CSTPP1: variants seen among roughly 807,000 people sequenced by gnomAD.
The protein encoded by CSTPP1 is UPF0705 protein C11orf49.
the CSTPP1 span, among the ~76,000 whole-genome samples, chr11:47,011,489 T>A: frequency 2.0e-5 from 3 of 152,220 alleles, no homozygotes; most frequent in African/African-American, 7.2e-5. Context: ...CATAGAAGGC[T>A]CCAAGTTTTG....
the CSTPP1 span, chr11:47,137,735 T>A: frequency 1.2e-6 from 2 of 1,613,640 alleles, no homozygotes; most frequent in East Asian, 4.5e-5. Context: ...GCCAGGTACG[T>A]CTCCTGGACT....
At chr11:47,141,805 C>T in the CSTPP1 span, among the ~76,000 whole-genome samples, 3 of 151,298 alleles carry the variant, frequency 2.0e-5, no homozygotes, top group African/African-American at 7.3e-5. Context: ...TGGTGGTGCA[C>T]ATCTATAATC....
At chr11:46,968,562 T>A in the CSTPP1 span, among the ~76,000 whole-genome samples, 3 of 151,254 alleles carry the variant, frequency 2.0e-5, no homozygotes, top group African/African-American at 7.3e-5. Context: ...AATTATCTAA[T>A]TTTTTTTAGT....
chr11:47,045,917 G>A, the CSTPP1 span, among the ~76,000 whole-genome samples: 21 of 152,034 alleles, frequency 1.4e-4, no homozygotes, highest in African/African-American at 4.6e-4. Context: ...CTCCCGAGTA[G>A]CTGGGATTAC....
At chr11:47,093,724 G>A in the CSTPP1 span, among the ~76,000 whole-genome samples, 2 of 152,134 alleles carry the variant, frequency 1.3e-5, no homozygotes, top group Non-Finnish European at 2.9e-5. Context: ...CCAGTAGTAA[G>A]GTCATGGCAA....
chr11:46,949,903 T>C, the CSTPP1 span, among the ~76,000 whole-genome samples: 1 of 151,938 alleles, frequency 6.6e-6, no homozygotes, highest in African/African-American at 2.4e-5. Context: ...AAACTCCTGA[T>C]CTCAAGTGAT....
chr11:47,121,925 G>A, the CSTPP1 span, among the ~76,000 whole-genome samples: 1 of 150,932 alleles, frequency 6.6e-6, no homozygotes, highest in Non-Finnish European at 1.5e-5. Flanking sequence ...AAAAAAAATT[G>A]CTGAGCATAG....
the CSTPP1 span, among the ~76,000 whole-genome samples, chr11:47,078,308 G>T: frequency 6.6e-6 from 1 of 152,190 alleles, no homozygotes; most frequent in Non-Finnish European, 1.5e-5. Flanking sequence ...GTTGAGTGAC[G>T]GAAGCAACGT....
At chr11:47,082,406 G>C in the CSTPP1 span, among the ~76,000 whole-genome samples, 3 of 152,008 alleles carry the variant, frequency 2.0e-5, no homozygotes, top group Non-Finnish European at 4.4e-5. Flanking sequence ...CAGATGAAGG[G>C]CTAATTTCCT....
chr11:46,944,012 C>A, the CSTPP1 span, among the ~76,000 whole-genome samples: 1 of 144,446 alleles, frequency 6.9e-6, no homozygotes, highest in Non-Finnish European at 1.5e-5. Context: ...CAAAGTGAGA[C>A]CCTTTCTCAA....
At chr11:47,013,284 A>T in the CSTPP1 span, among the ~76,000 whole-genome samples, 1 of 151,630 alleles carries the variant, frequency 6.6e-6, no homozygotes, top group Non-Finnish European at 1.5e-5. Flanking sequence ...TGTACAGGAT[A>T]TGCAGGTTTG....
At chr11:46,946,476 G>A in the CSTPP1 span, among the ~76,000 whole-genome samples, 10 of 152,202 alleles carry the variant, frequency 6.6e-5, no homozygotes, top group African/African-American at 2.4e-4. Context: ...GGCTAACACG[G>A]TGAAACCCTG....
At chr11:47,060,104 GAAA>G in the CSTPP1 span, among the ~76,000 whole-genome samples, 1 of 70,292 alleles carries the variant, frequency 1.4e-5, no homozygotes. Context: ...ACTCTGTCTC[GAAA>G]AAAAAAAAAA....
At chr11:47,157,052 G>A in the CSTPP1 span, 12 of 1,614,090 alleles carry the variant, frequency 7.4e-6, no homozygotes, top group Admixed American at 2.0e-4. Flanking sequence ...TGCCATCTAT[G>A]AGGACCTGCT....
At chr11:47,150,565 A>G in the CSTPP1 span, among the ~76,000 whole-genome samples, 1 of 152,154 alleles carries the variant, frequency 6.6e-6, no homozygotes, top group African/African-American at 2.4e-5. Context: ...GCTGGGTTAG[A>G]AAAGGTGCTT....
At chr11:47,148,096 C>A in the CSTPP1 span, among the ~76,000 whole-genome samples, 18 of 152,220 alleles carry the variant, frequency 1.2e-4, no homozygotes, top group Non-Finnish European at 1.8e-4. Flanking sequence ...AGTGTGCCTC[C>A]AACACAGTCC....
the CSTPP1 span, among the ~76,000 whole-genome samples, chr11:47,056,825 A>G: frequency 6.6e-6 from 1 of 152,260 alleles, no homozygotes; most frequent in South Asian, 2.1e-4. Flanking sequence ...TTTATCAATT[A>G]TAATGCCAGG....
chr11:46,936,858 A>G, the CSTPP1 span: 1 of 1,537,854 alleles, frequency 6.5e-7, no homozygotes, highest in Non-Finnish European at 8.7e-7. Flanking sequence ...CTGGGTAGGA[A>G]CCCCCTTTAA....
chr11:47,044,571 A>G, the CSTPP1 span, among the ~76,000 whole-genome samples: 2 of 152,304 alleles, frequency 1.3e-5, no homozygotes, highest in South Asian at 4.1e-4. Context: ...AAAAGCTACA[A>G]TGTATATCTA....
Sources: gnomAD v4.1 joint callset for allele counts (sites outside exome capture counted in the v4.1 genomes callset) on GRCh38, gnomAD v4.1.1 for gene constraint, MANE v1.5 for transcripts, NCBI Gene and HGNC (gene_info 2026-07-23, HGNC 2026-07-21) for gene names.